The following MORC1 variants were observed in gnomAD, a reference collection of about 807,000 sequenced individuals.
The protein encoded by MORC1 is MORC family CW-type zinc finger 1, also known as MORC family CW-type zinc finger protein 1.
MORC1 carries 59 observed loss-of-function variants against 134.9 expected under a neutral mutation model. That is an observed-to-expected ratio of 0.44 (90% CI 0.35 to 0.54). MORC1 has a LOEUF of 0.54. Ranked by LOEUF, MORC1 falls within the 20% of genes least tolerant of loss-of-function variation. The probability of loss-of-function intolerance (pLI) is 0.00; values close to 1 mark genes in which losing one functional copy is unlikely to be tolerated. For synonymous variants in MORC1, 395 were observed against 391.7 expected (o/e 1.01, Z -0.10); for missense variants, 947 against 1,134.5 (o/e 0.83, Z 2.37).
intron 6 of MORC1, 36 bp from the exon 7 acceptor site, chr3:109,095,104 T>C: frequency 6.5e-7 from 1 of 1,527,818 alleles, no homozygotes; most frequent in East Asian, 2.3e-5. Flanking sequence ...TACTATGAAA[T>C]ACACAAAAAA....
At chr3:109,070,676 G>A (rs1381166627) in intron 8 of MORC1, among the ~76,000 whole-genome samples, 13 of 145,384 alleles carry the variant, frequency 8.9e-5, no homozygotes, top group African/African-American at 3.3e-4. Flanking sequence ...AAGATGATGG[G>A]AAAAAAAAAA....
At chr3:109,071,570 GA>G (rs978183416) in intron 8 of MORC1, among the ~76,000 whole-genome samples, 1 of 151,842 alleles carries the variant, frequency 6.6e-6, no homozygotes, top group Non-Finnish European at 1.5e-5. Context: ...GCTGACAAGG[GA>G]AAAAAAATAG....
At chr3:109,108,092 G>T (rs866380603) in intron 3 of MORC1, among the ~76,000 whole-genome samples, 2 of 152,130 alleles carry the variant, frequency 1.3e-5, no homozygotes, top group Non-Finnish European at 2.9e-5. Flanking sequence ...GAAAGGCAGA[G>T]GCAGGAGAAT....
intron 23 of MORC1, among the ~76,000 whole-genome samples, chr3:108,980,905 A>G (rs1381951318): frequency 6.6e-6 from 1 of 152,166 alleles, no homozygotes; most frequent in Non-Finnish European, 1.5e-5. Context: ...TTGGGATTGC[A>G]GGGCATCGTG....
At chr3:108,970,954 G>C (rs1256167909) in intron 25 of MORC1, among the ~76,000 whole-genome samples, 1 of 152,190 alleles carries the variant, frequency 6.6e-6, no homozygotes, top group Non-Finnish European at 1.5e-5. Flanking sequence ...ATTTCGGTAA[G>C]ATTAGTGCTT....
intron 24 of MORC1, among the ~76,000 whole-genome samples, chr3:108,972,224 C>T (rs1947402663): frequency 6.6e-6 from 1 of 152,130 alleles, no homozygotes; most frequent in African/African-American, 2.4e-5. Flanking sequence ...CTATATGACA[C>T]ATATTTCATT....
intron 26 of MORC1, among the ~76,000 whole-genome samples, chr3:108,965,326 C>A (rs1293718418): frequency 2.0e-5 from 3 of 152,082 alleles, no homozygotes; most frequent in African/African-American, 7.2e-5. Context: ...GCTAATCAGC[C>A]ATCAAAAGGA....
intron 9 of MORC1, among the ~76,000 whole-genome samples, chr3:109,066,797 C>A (rs566306070): frequency 6.6e-6 from 1 of 152,230 alleles, no homozygotes; most frequent in South Asian, 2.1e-4. Flanking sequence ...CAGAGGAATT[C>A]CCAATTCACA....
intron 8 of MORC1, among the ~76,000 whole-genome samples, chr3:109,072,060 T>G (rs999667018): frequency 3.3e-5 from 5 of 152,176 alleles, no homozygotes; most frequent in African/African-American, 1.2e-4. Flanking sequence ...CTACCTCTTA[T>G]TTGTGATGCT....
At chr3:109,025,199 A>G (rs1949044615) in intron 17 of MORC1, among the ~76,000 whole-genome samples, 1 of 152,052 alleles carries the variant, frequency 6.6e-6, no homozygotes, top group African/African-American at 2.4e-5. Flanking sequence ...AAAGCTTAAC[A>G]TGTAATTTAA....
intron 21 of MORC1, among the ~76,000 whole-genome samples, chr3:108,988,524 C>T (rs1159029256): frequency 6.6e-6 from 1 of 152,108 alleles, no homozygotes. Flanking sequence ...GGAAAATCTA[C>T]ATGATATTAA....
intron 18 of MORC1, among the ~76,000 whole-genome samples, chr3:109,006,086 T>C (rs1213110921): frequency 1.3e-5 from 2 of 152,244 alleles, no homozygotes; most frequent in African/African-American, 2.4e-5. Flanking sequence ...CTATTTCCCA[T>C]GGCAAATTAC....
chr3:109,000,053 T>C (rs1454889472), intron 21 of MORC1, among the ~76,000 whole-genome samples: 2 of 152,180 alleles, frequency 1.3e-5, no homozygotes, highest in East Asian at 3.8e-4. Context: ...ATGTATTCTT[T>C]GATATCAACT....
intron 24 of MORC1, among the ~76,000 whole-genome samples, chr3:108,973,692 G>C (rs1317986538): frequency 2.0e-5 from 3 of 150,470 alleles, no homozygotes; most frequent in African/African-American, 7.3e-5. Flanking sequence ...GGCCTCCTGG[G>C]CTCAAGTAAT....
chr3:109,104,478 T>C (rs1415578997), intron 3 of MORC1, among the ~76,000 whole-genome samples: 1 of 152,184 alleles, frequency 6.6e-6, no homozygotes, highest in Non-Finnish European at 1.5e-5. Context: ...GAAATCAATT[T>C]TAATGATTTG....
chr3:109,111,427 TG>T (rs1951167812), intron 2 of MORC1, among the ~76,000 whole-genome samples: 1 of 152,244 alleles, frequency 6.6e-6, no homozygotes, highest in African/African-American at 2.4e-5. Context: ...ATTTGCCATC[TG>T]GTCTTTTACA....
chr3:109,100,305 AG>A, intron 5 of MORC1, 111 bp downstream of exon 5: 1 of 866,842 alleles, frequency 1.2e-6, no homozygotes, highest in Non-Finnish European at 1.8e-6. Flanking sequence ...CCCTGCCTCA[AG>A]TTTATATATT....
At position 108,984,583 on chromosome 3, in the gene MORC1, T is replaced by G; in HGVS notation, c.2324+133A>C. On this transcript the variant is annotated intron_variant, in intron 23 of 27. Transcript: ENST00000232603. Reference sequence around the variant, plus strand: ...ATTGCTAATTCTTTCACATCTCTGTTGTAAAATTTGGTTCCATTCTTGATT... The same window carrying G: ...ATTGCTAATTCTTTCACATCTCTGTGGTAAAATTTGGTTCCATTCTTGATT... 4.8e-6 allele frequency: 3 copies of G among 618,876 alleles called. 1 individual carries two copies. In the South Asian group the frequency reaches 6.5e-5, roughly 13 times the overall value. The allele number at this position is 618,876 out of a possible 1,614,324, so 38.3% of individuals were successfully genotyped here. A position where few individuals can be genotyped will look rare whatever the true frequency, so the allele number is the denominator to read the frequency against.
intron 14 of MORC1, among the ~76,000 whole-genome samples, chr3:109,051,281 C>T (rs1949820637): frequency 6.6e-6 from 1 of 152,164 alleles, no homozygotes; most frequent in South Asian, 2.1e-4. Flanking sequence ...CCTAAAAACA[C>T]ATCAGACTTT....
Sources: gnomAD v4.1 joint callset for allele counts (sites outside exome capture counted in the v4.1 genomes callset) on GRCh38, gnomAD v4.1.1 for gene constraint, MANE v1.5 for transcripts, NCBI Gene and HGNC (gene_info 2026-07-23, HGNC 2026-07-21) for gene names.